Variants in S100A3 observed in about 807,000 individuals in gnomAD.
S100A3 encodes S100 calcium binding protein A3.
A neutral mutation model predicts 8.0 loss-of-function variants in S100A3; 11 were observed. That is an observed-to-expected ratio of 1.37 (90% CI 0.86 to 2.27). S100A3 has a LOEUF of 2.27. Ranked by LOEUF, S100A3 falls within the 30% of genes most tolerant of loss-of-function variation. The pLI is 0.00. For synonymous variants in S100A3, 43 were observed against 49.6 expected, an observed-to-expected ratio of 0.87 and a Z score of 0.56; for missense variants, 124 against 127.1, an observed-to-expected ratio of 0.98 and a Z score of 0.12.
Position 153,548,510 on chromosome 1 carries a change from TG to T in S100A3, c.-5-21del. 1 of 1,559,422 alleles carries T rather than the reference TG, an allele frequency of 6.4e-7. No homozygotes were observed. The highest frequency in any genetic ancestry group is 1.2e-5 in the South Asian group (1 of 82,964). ...TCCTCACTGTCACAGAACAAGGGTG[TG>T]GCTCACAGCAGAGTTCCAGGCCAGC... On this transcript the variant is annotated intron_variant, in intron 1 of 2. Transcript: ENST00000368713.
Position 153,547,740 on chromosome 1 carries a change from C to A in S100A3, c.248G>T (p.Cys83Phe). Reference protein sequence around the residue: ...VEYVRSLACLCLYCHEYFKDC... With the variant: ...VEYVRSLACLFLYCHEYFKDC... Reference sequence around the variant, plus strand: ...CTTGAAGTACTCGTGGCAGTAGAGACAGAGGCAGGCAAGTGAGCGCACATA... The same window carrying A: ...CTTGAAGTACTCGTGGCAGTAGAGAAAGAGGCAGGCAAGTGAGCGCACATA... The change falls in exon 3 of 3, where the codon TGT (cysteine) becomes TTT (phenylalanine). Residue 83 changes from cysteine to phenylalanine, a missense_variant. By Grantham distance (205) the Cys-to-Phe change is radical. Coordinates refer to ENST00000368713, the MANE Select transcript of S100A3 (RefSeq NM_002960.2). This position sits in a 1 kb window ranked among gnomAD's most constrained non-coding sequence, Gnocchi z 4.0. The A allele has an allele frequency of 6.2e-7, 1 of 1,614,074 alleles. No homozygotes were observed. The highest frequency in any genetic ancestry group is 1.1e-5 in the South Asian group (1 of 91,088).
chr1:153,547,558 T>G lies in S100A3; in HGVS notation c.*124A>C. ...ACATCTCTGGGCCTCCTAGGTAAAA[T>G]GGGTTAACTGATCGCAGAAGACCTG... On this transcript the variant is annotated 3_prime_UTR_variant, in exon 3 of 3. Coordinates refer to ENST00000368713, the MANE Select transcript of S100A3 (RefSeq NM_002960.2). This position sits in a 1 kb window ranked among gnomAD's most constrained non-coding sequence, Gnocchi z 4.0. 1 of 1,135,108 alleles carries G rather than the reference T, an allele frequency of 8.8e-7. No homozygotes were observed. The highest frequency in any genetic ancestry group is 1.2e-6 in the Non-Finnish European group (1 of 812,170). 70.3% of individuals were successfully genotyped at this position (1,135,108 alleles called of 1,614,324 possible).
rs1348394287 is a variant in S100A3 at position 153,547,726 on chromosome 1, C to T, written c.262G>A (p.Glu88Lys). 4 of 1,613,908 alleles carry T rather than the reference C, an allele frequency of 2.5e-6. No homozygotes were observed. The highest frequency in any genetic ancestry group is 1.7e-5 in the Admixed American group (1 of 59,982). The change falls in exon 3 of 3, where the codon GAG (glutamate) becomes AAG (lysine). Residue 88 changes from glutamate to lysine, a missense_variant. Coordinates refer to ENST00000368713, the MANE Select transcript of S100A3 (RefSeq NM_002960.2). The surrounding 1 kb of genome is among the most constrained non-coding windows in gnomAD (Gnocchi z 4.0). ...TCTGAGGGGCAGTCCTTGAAGTACT[C>T]GTGGCAGTAGAGACAGAGGCAGGCA... ...SLACLCLYCH[E>K]YFKDCPSEPP...
intron 2 of S100A3, 78 bp downstream of exon 2, chr1:153,548,267 G>A: frequency 6.3e-7 from 1 of 1,575,664 alleles, no homozygotes; most frequent in Non-Finnish European, 8.6e-7. Context: ...CATGCTTGTT[G>A]TCCCCAGGTC....
rs759295631 is a variant in S100A3, at chr1:153,547,893, G to T, written c.142-47C>A. On this transcript the variant is annotated intron_variant, in intron 2 of 2. Transcript: ENST00000368713. This position sits in a 1 kb window ranked among gnomAD's most constrained non-coding sequence, Gnocchi z 4.0. ...AGAGGTAAGGGAGTAGGATGAGGAG[G>T]GCAGAACAGCCTCACACGCCACCTC... is the stretch of plus-strand genomic sequence containing the variant. 6.3e-7 allele frequency: 1 copy of T among 1,575,380 alleles called. No homozygotes were observed. The highest frequency in any genetic ancestry group is 1.2e-5 in the South Asian group (1 of 86,912).
intron 1 of S100A3, 135 bp from the exon 2 acceptor site, chr1:153,548,625 C>G: frequency 8.4e-7 from 1 of 1,192,662 alleles, no homozygotes; most frequent in Non-Finnish European, 1.1e-6. Context: ...CCGCAGTCTC[C>G]CCCTCCTCTG....
At position 153,548,474 on chromosome 1, in the gene S100A3, A is replaced by C. The variant is rs763351341; in HGVS notation, c.12T>G (p.Pro4=). MAR[P]LEQAVAAIVC... ...CGATGGCAGCTACCGCCTGCTCCAG[A>C]GGCCTGGCCATCCTCACTGTCACAG... The change falls in exon 2 of 3, where the codon CCT becomes CCG. Residue 4 remains proline (P), a synonymous_variant. Coordinates refer to ENST00000368713, the MANE Select transcript of S100A3 (RefSeq NM_002960.2). 1.9e-6 allele frequency: 3 copies of C among 1,592,400 alleles called. No individual in the cohort carries two copies. The highest frequency in any genetic ancestry group is 2.6e-6 in the Non-Finnish European group (3 of 1,166,502).
Position 153,547,836 on chromosome 1 carries a change from C to G in S100A3, c.152G>C (p.Arg51Pro). 2 of 1,613,556 alleles carry G rather than the reference C, an allele frequency of 1.2e-6. No individual in the cohort carries two copies. Among genetic ancestry groups the G allele is most frequent in the South Asian group, 1.1e-5 (1 of 91,042 alleles). The change falls in exon 3 of 3, where the codon CGG (arginine) becomes CCG (proline). Residue 51 changes from arginine to proline, a missense_variant. Transcript: ENST00000368713. This position sits in a 1 kb window ranked among gnomAD's most constrained non-coding sequence, Gnocchi z 4.0. ...CATGAATTTGTTGTAGTCACATTCCCGAAACTCAGTCTGTGCAAGGGAAGG... is the reference window on the plus strand; with the variant it reads ...CATGAATTTGTTGTAGTCACATTCCGGAAACTCAGTCTGTGCAAGGGAAGG... ...ELATWTPTEF[R>P]ECDYNKFMSV...
rs201754976 is a variant in S100A3, at chr1:153,548,507, G to A, written c.-5-17C>T. 6.4e-7 allele frequency: 1 copy of A among 1,562,290 alleles called. No individual in the cohort carries two copies. Among genetic ancestry groups the A allele is most frequent in the Non-Finnish European group, 8.7e-7 (1 of 1,150,864 alleles). ...CCATCCTCACTGTCACAGAACAAGGGTGTGGCTCACAGCAGAGTTCCAGGC... is the reference window on the plus strand; with the variant it reads ...CCATCCTCACTGTCACAGAACAAGGATGTGGCTCACAGCAGAGTTCCAGGC... On this transcript the variant is annotated splice_polypyrimidine_tract_variant and intron_variant, in intron 1 of 2. Transcript: ENST00000368713.
In S100A3 at chr1:153,547,786, A is replaced by G; in HGVS notation, c.202T>C (p.Cys68Arg). The G allele has an allele frequency of 6.2e-7, 1 of 1,614,060 alleles. No homozygotes were observed. Among genetic ancestry groups the G allele is most frequent in the Non-Finnish European group, 8.5e-7 (1 of 1,179,944 alleles). ...FMSVLDTNKD[C>R]EVDFVEYVRS... ...ACATACTCCACAAAGTCCACCTCGCAGTCCTTGTTGGTGTCCAGAACACTC... is the reference window on the plus strand; with the variant it reads ...ACATACTCCACAAAGTCCACCTCGCGGTCCTTGTTGGTGTCCAGAACACTC... The change falls in exon 3 of 3, where the codon TGC (cysteine) becomes CGC (arginine). Residue 68 changes from cysteine (C) to arginine (R), a missense_variant. Physicochemically the swap from Cys to Arg is radical, Grantham distance 180. Coordinates refer to ENST00000368713, the MANE Select transcript of S100A3 (RefSeq NM_002960.2). This position sits in a 1 kb window ranked among gnomAD's most constrained non-coding sequence, Gnocchi z 4.0.
At chr1:153,548,199 G>T in intron 2 of S100A3, 146 bp downstream of exon 2, 1 of 1,041,250 alleles carries the variant, frequency 9.6e-7, no homozygotes, top group Non-Finnish European at 1.4e-6. Flanking sequence ...TGCTGTGTCA[G>T]TTCTCCCCCT....
intron 1 of S100A3, among the ~76,000 whole-genome samples, chr1:153,548,800 A>G (rs111742567): frequency 0.059 from 8,903 of 152,084 alleles, 364 homozygotes; most frequent in Non-Finnish European, 0.087. Context: ...CTCCTTAAGC[A>G]CTCTCAGATT....
At chr1:153,548,281 C>A (rs773490229) in intron 2 of S100A3, 64 bp downstream of exon 2, 1 of 1,602,200 alleles carries the variant, frequency 6.2e-7, no homozygotes, top group Admixed American at 1.7e-5. Flanking sequence ...CCAGGTCTCT[C>A]TTTGCAGAGT....
chr1:153,548,534 AG>A, intron 1 of S100A3, 44 bp from the exon 2 acceptor site: 1 of 1,534,862 alleles, frequency 6.5e-7, no homozygotes, highest in Non-Finnish European at 8.8e-7. Flanking sequence ...GTTCCAGGCC[AG>A]CCCCCCAGCT....
rs1665624790 is a variant in S100A3, at chr1:153,547,978, C to T, written c.142-132G>A. 2.2e-6 allele frequency: 2 copies of T among 891,296 alleles called. No individual in the cohort carries two copies. The highest frequency in any genetic ancestry group is 3.5e-6 in the Non-Finnish European group (2 of 575,566). The allele number at this position is 891,296 out of a possible 1,614,324, so 55.2% of individuals were successfully genotyped here. On this transcript the variant is annotated intron_variant, in intron 2 of 2. Coordinates refer to ENST00000368713, the MANE Select transcript of S100A3 (RefSeq NM_002960.2). The surrounding 1 kb of genome is among the most constrained non-coding windows in gnomAD (Gnocchi z 4.0). ...CAAACTACACCCTTCTGAGGGCCGACTTCAACCTCCCTGCTCTGATAATGC... is the reference window on the plus strand; with the variant it reads ...CAAACTACACCCTTCTGAGGGCCGATTTCAACCTCCCTGCTCTGATAATGC...
In S100A3 at chr1:153,547,528, C is replaced by G; in HGVS notation, c.*154G>C. The G allele has an allele frequency of 2.7e-5, 22 of 821,968 alleles. No homozygotes were observed. Among genetic ancestry groups the G allele is most frequent in the Non-Finnish European group, 3.9e-5 (21 of 544,064 alleles). 50.9% of individuals were successfully genotyped at this position (821,968 alleles called of 1,614,324 possible). On this transcript the variant is annotated 3_prime_UTR_variant, in exon 3 of 3. Transcript: ENST00000368713. This position sits in a 1 kb window ranked among gnomAD's most constrained non-coding sequence, Gnocchi z 4.0. ...TTCGCTGGGCATCCTGAGGAAGGAGCCCTCACATCTCTGGGCCTCCTAGGT... is the reference window on the plus strand; with the variant it reads ...TTCGCTGGGCATCCTGAGGAAGGAGGCCTCACATCTCTGGGCCTCCTAGGT...
chr1:153,548,396 G>A lies in S100A3; in HGVS notation c.90C>T (p.Cys30=). Residue 30 remains cysteine, a synonymous_variant, in exon 2 of 3, where the codon TGC becomes TGT. Transcript: ENST00000368713. ...GCAGCAGCTCCTTGAGCTCCGCCTG[G>A]CAGAGCTTGTATTTGTCCCCACAGC... ...AGRCGDKYKL[C]QAELKELLQK... The A allele has an allele frequency of 6.2e-7, 1 of 1,613,772 alleles. No individual in the cohort carries two copies. Among genetic ancestry groups the A allele is most frequent in the Non-Finnish European group, 8.5e-7 (1 of 1,179,968 alleles).
Position 153,547,349 on chromosome 1 carries a change from A to G in S100A3, c.*333T>C. ...ACCAAGCTGATGCCAGTTTTTTATT[A>G]GGAGTTAAATAGGCCCTTTCCCATC... On this transcript the variant is annotated 3_prime_UTR_variant, in exon 3 of 3. Coordinates refer to ENST00000368713, the MANE Select transcript of S100A3 (RefSeq NM_002960.2). The surrounding 1 kb of genome is among the most constrained non-coding windows in gnomAD (Gnocchi z 4.0). 1 of 229,582 alleles carries G rather than the reference A, an allele frequency of 4.4e-6. No individual in the cohort carries two copies. Among genetic ancestry groups the G allele is most frequent in the Non-Finnish European group, 8.4e-6 (1 of 118,572 alleles). The allele number at this position is 229,582 out of a possible 1,614,324, so 14.2% of individuals were successfully genotyped here. A position where few individuals can be genotyped will look rare whatever the true frequency, so the allele number is the denominator to read the frequency against.
Position 153,547,769 on chromosome 1 carries a change from C to T in S100A3, c.219G>A (p.Val73=), listed in dbSNP as rs779005038. Residue 73 remains valine, a synonymous_variant, in exon 3 of 3, where the codon GTG becomes GTA. Coordinates refer to ENST00000368713, the MANE Select transcript of S100A3 (RefSeq NM_002960.2). The surrounding 1 kb of genome is among the most constrained non-coding windows in gnomAD (Gnocchi z 4.0). ...GGCAGGCAAGTGAGCGCACATACTC[C>T]ACAAAGTCCACCTCGCAGTCCTTGT... The part of the protein sequence containing the change: ...DTNKDCEVDF[V]EYVRSLACLC... The T allele has an allele frequency of 6.2e-7, 1 of 1,614,024 alleles. No individual in the cohort carries two copies. The highest frequency in any genetic ancestry group is 1.7e-5 in the Admixed American group (1 of 59,998).
Sources: allele counts gnomAD v4.1 joint callset (sites outside exome capture counted in the v4.1 genomes callset), GRCh38; gene constraint gnomAD v4.1.1; non-coding constraint Gnocchi (gnomAD v3.1); transcripts MANE v1.5; gene names NCBI Gene and HGNC (gene_info 2026-07-23, HGNC 2026-07-21).